Variants in KAZN observed in about 807,000 individuals in gnomAD.
KAZN encodes the protein kazrin, periplakin interacting protein.
KAZN carries 40 observed loss-of-function variants against 87.4 expected under a neutral mutation model. That is an observed-to-expected ratio of 0.46 (90% confidence interval 0.36 to 0.60). The LOEUF (loss-of-function observed/expected upper bound fraction) is 0.60. KAZN is among the 20% of genes least tolerant of loss of function. KAZN has a pLI of 0.00. For missense variants in KAZN, 898 were observed against 1,073.9 expected, an observed-to-expected ratio of 0.84 and a Z score of 2.29; for synonymous variants, 466 against 458.3, an observed-to-expected ratio of 1.02 and a Z score of -0.22.
intron 1 of KAZN, among the ~76,000 whole-genome samples, chr1:14,916,170 C>CTTTTTTTTTTTTT (rs71307000): frequency 2.6e-4 from 29 of 113,588 alleles, no homozygotes; most frequent in African/African-American, 3.1e-4. Context: ...CACTGTTGTT[C>CTTTTTTTTTTTTT]TTTTTTTTTT....
chr1:14,787,865 A>G (rs1213172852), intron 1 of KAZN, among the ~76,000 whole-genome samples: 1 of 152,086 alleles, frequency 6.6e-6, no homozygotes, highest in African/African-American at 2.4e-5. Context: ...GTGGGGAGAA[A>G]ACCTGGGGAA....
chr1:14,976,399 G>A (rs925766741), intron 2 of KAZN, among the ~76,000 whole-genome samples: 1 of 152,196 alleles, frequency 6.6e-6, no homozygotes, highest in Admixed American at 6.5e-5. Context: ...TTAGGCCTGA[G>A]TGCTCACCCG....
intron 2 of KAZN, among the ~76,000 whole-genome samples, chr1:14,235,902 C>A (rs1648378773): frequency 6.6e-6 from 1 of 152,124 alleles, no homozygotes; most frequent in Non-Finnish European, 1.5e-5. Flanking sequence ...ACAGGAGCAG[C>A]TTTTTGGGTT....
chr1:14,673,063 A>G (rs2148741316), intron 1 of KAZN, among the ~76,000 whole-genome samples: 1 of 152,370 alleles, frequency 6.6e-6, no homozygotes, highest in East Asian at 1.9e-4. Context: ...AATGGTGTTC[A>G]AAGATCAGCG....
chr1:14,383,530 A>T (rs1408859289), intron 2 of KAZN, among the ~76,000 whole-genome samples: 4 of 151,652 alleles, frequency 2.6e-5, no homozygotes, highest in African/African-American at 7.3e-5. Flanking sequence ...AGCTTTCTAC[A>T]TATGGCTAGC....
intron 1 of KAZN, among the ~76,000 whole-genome samples, chr1:14,021,458 A>G (rs1034134061): frequency 1.3e-5 from 2 of 152,192 alleles, no homozygotes; most frequent in Non-Finnish European, 2.9e-5. Context: ...TGGTAGTTCA[A>G]TGACTTAAAG....
chr1:14,047,395 C>T (rs568412887), intron 1 of KAZN, among the ~76,000 whole-genome samples: 10 of 152,166 alleles, frequency 6.6e-5, no homozygotes, highest in Non-Finnish European at 1.0e-4. Context: ...CTTGCCTGGA[C>T]ACCCAGGAGC....
At chr1:15,076,076 T>G (rs981592081) in intron 8 of KAZN, among the ~76,000 whole-genome samples, 1 of 152,158 alleles carries the variant, frequency 6.6e-6, no homozygotes, top group African/African-American at 2.4e-5. Flanking sequence ...GTGGAGCCTG[T>G]GGCCAGGGCA....
rs185534443 is a variant in KAZN, at chr1:14,965,817, C to G, written c.418+4942C>G. Among the ~76,000 whole-genome samples the G allele has an allele frequency of 4.2e-4, 64 of 151,980 alleles. 2 individuals are homozygous for G. The East Asian group carries it at 0.012, about 29-fold the overall frequency. On this transcript the variant is annotated intron_variant, in intron 2 of 14. Transcript: ENST00000376030. ...TTTATATCTTTACAAAACTGAAGACCCCAAAGGGCTTTTGCTCATATGGTT... is the reference window on the plus strand; with the variant it reads ...TTTATATCTTTACAAAACTGAAGACGCCAAAGGGCTTTTGCTCATATGGTT...
At chr1:14,858,850 T>G (rs1650485750) in intron 1 of KAZN, among the ~76,000 whole-genome samples, 2 of 152,208 alleles carry the variant, frequency 1.3e-5, no homozygotes, top group African/African-American at 4.8e-5. Flanking sequence ...GATATCATTA[T>G]AGATGTTGTC....
At chr1:14,141,646 A>G (rs1270707607) in intron 1 of KAZN, among the ~76,000 whole-genome samples, 1 of 152,116 alleles carries the variant, frequency 6.6e-6, no homozygotes, top group African/African-American at 2.4e-5. Flanking sequence ...GCTTTCAATA[A>G]TTTGAGACCC....
At chr1:14,062,211 G>T (rs113235733) in intron 1 of KAZN, among the ~76,000 whole-genome samples, 1 of 152,154 alleles carries the variant, frequency 6.6e-6, no homozygotes, top group African/African-American at 2.4e-5. Flanking sequence ...GAGCGATTCA[G>T]GTTGAAACAG....
intron 2 of KAZN, among the ~76,000 whole-genome samples, chr1:14,255,138 A>AGAAG (rs1338838382): frequency 9.6e-5 from 12 of 125,302 alleles, no homozygotes; most frequent in African/African-American, 4.2e-4. Flanking sequence ...AAAAAAAAAA[A>AGAAG]AAGAAGAAGA....
At position 15,103,520 on chromosome 1, in the gene KAZN, T is replaced by TGCAAATCA. The variant is rs1641166223; in HGVS notation, c.1881+60_1881+61insGCAAATCA. ...GGCATACACAAACCCCATGCAAATC[T>TGCAAATCA]ATATGCAAATCAATATGCAAATCAC... On this transcript the variant is annotated intron_variant, in intron 12 of 14. Coordinates refer to ENST00000376030, the MANE Select transcript of KAZN (RefSeq NM_201628.3). 7 of 1,066,670 alleles carry TGCAAATCA rather than the reference T, an allele frequency of 6.6e-6. No homozygotes were observed. In the African/African-American group the frequency reaches 1.2e-4, roughly 19 times the overall value. 66.1% of individuals were successfully genotyped at this position (1,066,670 alleles called of 1,614,324 possible). A position where few individuals can be genotyped will look rare whatever the true frequency, so the allele number is the denominator to read the frequency against.
chr1:14,769,464 C>T lies in KAZN; in HGVS notation c.226+170241C>T, dbSNP rs749890379. On this transcript the variant is annotated intron_variant, in intron 1 of 14. Coordinates refer to ENST00000376030, the MANE Select transcript of KAZN (RefSeq NM_201628.3). This position sits in a 1 kb window ranked among gnomAD's most constrained non-coding sequence, Gnocchi z 4.1. ...CTGCCTCCCGGGTTCAAGCGATTCT[C>T]GTGCCTCATTCTCCTGAGTATCTGG... Among the ~76,000 whole-genome samples the T allele has an allele frequency of 7.2e-5, 11 of 152,170 alleles. No individual in the cohort carries two copies. Among genetic ancestry groups the T allele is most frequent in the Non-Finnish European group, 1.2e-4 (8 of 68,036 alleles).
intron 2 of KAZN, among the ~76,000 whole-genome samples, chr1:14,503,525 C>T (rs1057359780): frequency 8.1e-5 from 12 of 148,376 alleles, no homozygotes; most frequent in African/African-American, 3.0e-4. Context: ...AGAGTGCTTA[C>T]AGCATATCCT....
intron 1 of KAZN, among the ~76,000 whole-genome samples, chr1:14,152,921 T>A (rs1168893729): frequency 6.6e-6 from 1 of 152,222 alleles, no homozygotes; most frequent in Non-Finnish European, 1.5e-5. Context: ...TAGTTTTGAT[T>A]TGCATTTATC....
intron 1 of KAZN, among the ~76,000 whole-genome samples, chr1:14,848,262 C>T (rs1400408292): frequency 1.3e-5 from 2 of 152,122 alleles, no homozygotes; most frequent in South Asian, 2.1e-4. Flanking sequence ...GATGATGTCA[C>T]CAAGTTCAGA....
intron 13 of KAZN, among the ~76,000 whole-genome samples, chr1:15,111,024 T>C (rs10927678): frequency 0.41 from 62,676 of 152,092 alleles, 13,476 homozygotes; most frequent in East Asian, 0.7. Context: ...CTGGGGAATT[T>C]CGCCTCCAGG....
Sources: allele counts gnomAD v4.1 joint callset (sites outside exome capture counted in the v4.1 genomes callset), GRCh38; gene constraint gnomAD v4.1.1; non-coding constraint Gnocchi (gnomAD v3.1); transcripts MANE v1.5; gene names NCBI Gene and HGNC (gene_info 2026-07-23, HGNC 2026-07-21).